RAD54L2: variants seen among roughly 807,000 people sequenced by gnomAD.
RAD54L2 encodes helicase ARIP4.
In RAD54L2, 27 loss-of-function variants were observed where a neutral mutation model predicts 138.4. The ratio of observed to expected loss-of-function variants is 0.20; its 90% CI spans 0.14 to 0.27. The LOEUF (loss-of-function observed/expected upper bound fraction) is 0.27, where lower values mean the gene tolerates loss of function less well. Ranked by LOEUF, RAD54L2 falls within the 10% of genes least tolerant of loss-of-function variation. RAD54L2 has a pLI of 1.00. For synonymous variants in RAD54L2, 644 were observed against 723.2 expected (o/e 0.89, Z 1.76); for missense variants, 1,396 against 1,890.2 (o/e 0.74, Z 4.85).
chr3:51,544,693 A>G (rs990160851), intron 2 of RAD54L2, among the ~76,000 whole-genome samples: 5 of 151,552 alleles, frequency 3.3e-5, no homozygotes, highest in African/African-American at 7.3e-5. Context: ...CTCAACCTCA[A>G]CCTCCTCGGT....
chr3:51,636,168 T>TA (rs1366796194), intron 10 of RAD54L2, among the ~76,000 whole-genome samples: 1 of 152,222 alleles, frequency 6.6e-6, no homozygotes, highest in Non-Finnish European at 1.5e-5. Flanking sequence ...AAAGTAGTAA[T>TA]ACTATTGTTT....
intron 3 of RAD54L2, among the ~76,000 whole-genome samples, chr3:51,616,170 CAGTAG>C (rs1166511837): frequency 1.3e-5 from 2 of 152,008 alleles, no homozygotes; most frequent in African/African-American, 4.8e-5. Flanking sequence ...TGAAATAATA[CAGTAG>C]AGTATTGTAT....
chr3:51,615,749 A>G (rs1360591702), intron 3 of RAD54L2, among the ~76,000 whole-genome samples: 1 of 152,216 alleles, frequency 6.6e-6, no homozygotes, highest in Non-Finnish European at 1.5e-5. Flanking sequence ...TATTTCAGCT[A>G]GAGTGGTCAG....
intron 2 of RAD54L2, among the ~76,000 whole-genome samples, chr3:51,565,547 C>T (rs1222520925): frequency 6.6e-6 from 1 of 152,164 alleles, no homozygotes; most frequent in East Asian, 1.9e-4. Flanking sequence ...GCCGTCTCAG[C>T]TTATTGCAGC....
chr3:51,635,831 G>A (rs761741462), intron 10 of RAD54L2, 42 bp downstream of exon 10: 5 of 1,522,234 alleles, frequency 3.3e-6, no homozygotes, highest in East Asian at 2.3e-5. Context: ...GGTGTTTCAG[G>A]AAAAAAGAAA....
rs1389755644 is a variant in RAD54L2, at chr3:51,664,705, A to G, written c.*1285A>G. 1 of 152,198 alleles carries G rather than the reference A, an allele frequency of 6.6e-6. No homozygotes were observed. Among genetic ancestry groups the G allele is most frequent in the Non-Finnish European group, 1.5e-5 (1 of 68,034 alleles). The allele number at this position is 152,198 out of a possible 1,614,324, so 9.4% of individuals were successfully genotyped here. Reference sequence around the variant, plus strand: ...TGACCAAGGTTTGGATTAAACAACTATATTTTTGAGAGATGGCTTTTCAGG... The same window carrying G: ...TGACCAAGGTTTGGATTAAACAACTGTATTTTTGAGAGATGGCTTTTCAGG... On this transcript the variant is annotated 3_prime_UTR_variant, in exon 23 of 23. Coordinates refer to ENST00000684192, the MANE Select transcript of RAD54L2 (RefSeq NM_015106.4).
intron 3 of RAD54L2, among the ~76,000 whole-genome samples, chr3:51,621,416 C>T (rs1700567026): frequency 6.6e-6 from 1 of 152,320 alleles, no homozygotes; most frequent in Non-Finnish European, 1.5e-5. Flanking sequence ...CATTCAGCCT[C>T]ATGTCAGACA....
intron 2 of RAD54L2, among the ~76,000 whole-genome samples, chr3:51,555,630 C>A (rs1324006822): frequency 6.6e-6 from 1 of 152,162 alleles, no homozygotes; most frequent in Non-Finnish European, 1.5e-5. Context: ...TGCTTTCCAG[C>A]CTGGGTGACA....
In RAD54L2 at chr3:51,612,745, T is replaced by C. The variant is rs144287213; in HGVS notation, c.140-14808T>C. On this transcript the variant is annotated intron_variant, in intron 3 of 22. Coordinates refer to ENST00000684192, the MANE Select transcript of RAD54L2 (RefSeq NM_015106.4). ...TATTGTAGTCAGTTTAAGCAATCTT[T>C]TCCATTGTTTCATAGTCATTTATTT... 1.0e-3 allele frequency among the ~76,000 whole-genome samples: 156 copies of C among 152,170 alleles called. 1 individual carries two copies. Among genetic ancestry groups the C allele is most frequent in the African/African-American group, 3.7e-3 (153 of 41,526 alleles).
chr3:51,557,830 C>CAAAAA (rs1166273906), intron 2 of RAD54L2, among the ~76,000 whole-genome samples: 10 of 32,176 alleles, frequency 3.1e-4, no homozygotes, highest in Admixed American at 7.3e-4. Flanking sequence ...AACTCCATCT[C>CAAAAA]AAAAAAAAAA....
intron 2 of RAD54L2, among the ~76,000 whole-genome samples, chr3:51,543,048 C>T (rs1433341039): frequency 6.6e-5 from 10 of 152,058 alleles, no homozygotes; most frequent in Non-Finnish European, 1.0e-4. Context: ...TCTCCAGATG[C>T]AGGAGAGATT....
At chr3:51,657,534 A>T in intron 20 of RAD54L2, 46 bp from the exon 21 acceptor site, 1 of 1,324,434 alleles carries the variant, frequency 7.6e-7, no homozygotes, top group East Asian at 2.5e-5. Flanking sequence ...CCCCTCCTTC[A>T]GTCAGGCCCC....
chr3:51,606,625 T>C (rs987021546), intron 3 of RAD54L2, among the ~76,000 whole-genome samples: 4 of 152,174 alleles, frequency 2.6e-5, no homozygotes, highest in African/African-American at 9.7e-5. Flanking sequence ...ATACATATTT[T>C]CTTTGAATTT....
intron 3 of RAD54L2, among the ~76,000 whole-genome samples, chr3:51,622,360 C>G (rs9864443): frequency 0.76 from 114,452 of 151,434 alleles, 44,235 homozygotes; most frequent in Middle Eastern, 0.86. Context: ...CTTTGGGAGG[C>G]TTTTTGTAAT....
chr3:51,631,463 T>G (rs1209993523), intron 7 of RAD54L2, among the ~76,000 whole-genome samples: 6 of 150,514 alleles, frequency 4.0e-5, no homozygotes, highest in African/African-American at 1.5e-4. Context: ...TCTTGCTCTG[T>G]TTCTCAGGCT....
chr3:51,652,844 A>G (rs1352411237), intron 19 of RAD54L2, among the ~76,000 whole-genome samples: 1 of 152,246 alleles, frequency 6.6e-6, no homozygotes, highest in Non-Finnish European at 1.5e-5. Context: ...AAACCTAGGC[A>G]ATACCATTCA....
At chr3:51,562,437 C>T (rs1699121158) in intron 2 of RAD54L2, among the ~76,000 whole-genome samples, 1 of 152,096 alleles carries the variant, frequency 6.6e-6, no homozygotes, top group African/African-American at 2.4e-5. Context: ...AACATGTTGG[C>T]CAGGCTGGTT....
Position 51,633,999 on chromosome 3 carries a change from G to C in RAD54L2, c.1106G>C (p.Arg369Pro). Residue 369 changes from arginine (R) to proline (P), a missense_variant, in exon 9 of 23, where the codon CGG becomes CCG. Arg to Pro is a moderately radical substitution (Grantham distance 103, BLOSUM62 -2). Transcript: ENST00000684192. ...ADNKPEEVQP[R>P]FFKVHILNDE... ...AACAAGCCTGAAGAAGTCCAGCCTC[G>C]GTTCTTTAAAGTTCACATCTTGAAT... is the stretch of plus-strand genomic sequence containing the variant. 6.2e-7 allele frequency: 1 copy of C among 1,613,818 alleles called. No individual in the cohort carries two copies. Among genetic ancestry groups the C allele is most frequent in the Non-Finnish European group, 8.5e-7 (1 of 1,179,882 alleles).
At position 51,664,798 on chromosome 3, in the gene RAD54L2, T is replaced by C. The variant is rs1295580339; in HGVS notation, c.*1378T>C. 6.6e-6 allele frequency: 1 copy of C among 152,162 alleles called. No homozygotes were observed. Among genetic ancestry groups the C allele is most frequent in the African/African-American group, 2.4e-5 (1 of 41,446 alleles). 9.4% of individuals were successfully genotyped at this position (152,162 alleles called of 1,614,324 possible). A position where few individuals can be genotyped will look rare whatever the true frequency, so the allele number is the denominator to read the frequency against. On this transcript the variant is annotated 3_prime_UTR_variant, in exon 23 of 23. Transcript: ENST00000684192. Reference sequence around the variant, plus strand: ...GACTCATTCCACAGAAATCGAAAGTTGTGATCATGGAGTTTGCAATTGGGA... The same window carrying C: ...GACTCATTCCACAGAAATCGAAAGTCGTGATCATGGAGTTTGCAATTGGGA...
Sources: allele counts gnomAD v4.1 joint callset (sites outside exome capture counted in the v4.1 genomes callset), GRCh38; gene constraint gnomAD v4.1.1; transcripts MANE v1.5; gene names NCBI Gene and HGNC (gene_info 2026-07-23, HGNC 2026-07-21).